CLK4: variants seen among roughly 807,000 people sequenced by gnomAD.
CLK4 encodes the protein CDC like kinase 4.
A neutral mutation model predicts 64.4 loss-of-function variants in CLK4; 37 were observed. The observed-to-expected ratio is 0.57, with a 90% CI of 0.44 to 0.76. The LOEUF is 0.76. CLK4 is among the 30% of genes least tolerant of loss of function. CLK4 has a pLI of 0.00. For missense variants in CLK4, 457 were observed against 605.1 expected (o/e 0.76, Z 2.57); for synonymous variants, 175 against 191.6 (o/e 0.91, Z 0.72).
chr5:178,607,316 GACA>G (rs1167345420), intron 10 of CLK4, among the ~76,000 whole-genome samples: 1 of 151,950 alleles, frequency 6.6e-6, no homozygotes, highest in Non-Finnish European at 1.5e-5. Context: ...AAGACACTCT[GACA>G]ACGCTATTCT....
chr5:178,615,329 G>A (rs1212526058), intron 5 of CLK4, among the ~76,000 whole-genome samples: 2 of 152,208 alleles, frequency 1.3e-5, no homozygotes, highest in African/African-American at 4.8e-5. Context: ...GAAAACAAAT[G>A]TATGTATAAT....
chr5:178,608,422 A>C lies in CLK4; in HGVS notation c.1088T>G (p.Ile363Arg). 2 of 1,611,056 alleles carry C rather than the reference A, an allele frequency of 1.2e-6. No homozygotes were observed. Among genetic ancestry groups the C allele is most frequent in the Middle Eastern group, 3.3e-4 (2 of 6,054 alleles). Reference protein sequence around the residue: ...GWSQPCDVWSIGCILIEYYLG... With the variant: ...GWSQPCDVWSRGCILIEYYLG... ...GTAATATTCAATAAGAATGCAACCT[A>C]TGCTCCAAACATCACAAGGCTGAGA... The change falls in exon 10 of 13, where the codon ATA (isoleucine) becomes AGA (arginine). Residue 363 changes from isoleucine to arginine, a missense_variant. Physicochemically the swap from Ile to Arg is moderately conservative, Grantham distance 97. Transcript: ENST00000316308.
At chr5:178,609,908 CA>C (rs1247825494) in intron 9 of CLK4, among the ~76,000 whole-genome samples, 1 of 150,986 alleles carries the variant, frequency 6.6e-6, no homozygotes, top group East Asian at 1.9e-4. Context: ...GACTCTGTCT[CA>C]AAAAATAAAT....
chr5:178,616,126 G>A (rs1385664682), intron 5 of CLK4, among the ~76,000 whole-genome samples: 1 of 150,912 alleles, frequency 6.6e-6, no homozygotes, highest in Non-Finnish European at 1.5e-5. Flanking sequence ...ATTTTCACTC[G>A]TTGCCTAGGC....
intron 5 of CLK4, among the ~76,000 whole-genome samples, chr5:178,615,791 CAA>C: frequency 6.6e-6 from 1 of 152,106 alleles, no homozygotes; most frequent in South Asian, 2.1e-4. Context: ...GCTTCTCTTA[CAA>C]AAGTTTTCAA....
intron 5 of CLK4, among the ~76,000 whole-genome samples, chr5:178,615,636 T>G (rs1055518550): frequency 6.6e-6 from 1 of 152,216 alleles, no homozygotes; most frequent in African/African-American, 2.4e-5. Flanking sequence ...GGTATTTAGA[T>G]TCCCTGAAAT....
intron 2 of CLK4, chr5:178,622,038 G>C (rs1417567442): frequency 2.6e-5 from 4 of 152,164 alleles, no homozygotes; most frequent in African/African-American, 9.7e-5. Context: ...TGGCCTGGTG[G>C]TTAACTGGAC....
intron 1 of CLK4, among the ~76,000 whole-genome samples, chr5:178,625,950 T>C (rs1581713285): frequency 6.6e-6 from 1 of 152,364 alleles, no homozygotes; most frequent in South Asian, 2.1e-4. Flanking sequence ...TCTAGAATCA[T>C]GACACTGCCT....
chr5:178,604,471 A>C (rs1764437673), intron 11 of CLK4: 1 of 151,424 alleles, frequency 6.6e-6, no homozygotes, highest in African/African-American at 2.4e-5. Context: ...AACAAAAAAA[A>C]CCCAAAAGCC....
At chr5:178,620,307 A>G (rs910846058) in intron 2 of CLK4, 8 of 240,096 alleles carry the variant, frequency 3.3e-5, no homozygotes, top group African/African-American at 1.8e-4. Context: ...CATCCTTCCC[A>G]TAAAAGTCCA....
chr5:178,613,452 A>G (rs1562128551), intron 7 of CLK4, 21 bp downstream of exon 7: 8 of 1,379,480 alleles, frequency 5.8e-6, no homozygotes, highest in Non-Finnish European at 7.6e-6. Context: ...ATAAAAATAA[A>G]GATTTATCAA....
At chr5:178,610,433 C>G (rs1437164253) in intron 9 of CLK4, among the ~76,000 whole-genome samples, 1 of 152,128 alleles carries the variant, frequency 6.6e-6, no homozygotes, top group Non-Finnish European at 1.5e-5. Flanking sequence ...ATAAGGCCAA[C>G]TGCCTACTTC....
intron 10 of CLK4, among the ~76,000 whole-genome samples, chr5:178,606,916 C>T (rs566215528): frequency 1.3e-5 from 2 of 150,500 alleles, no homozygotes; most frequent in East Asian, 3.9e-4. Flanking sequence ...GCTGACGTTG[C>T]GCCACTGCAC....
rs1455611254 is a variant in CLK4, at chr5:178,603,657, G to C, written c.1406C>G (p.Ala469Gly). 22 of 1,598,162 alleles carry C rather than the reference G, an allele frequency of 1.4e-5. No individual in the cohort carries two copies. Among genetic ancestry groups the C allele is most frequent in the Non-Finnish European group, 1.7e-5 (20 of 1,175,596 alleles). Residue 469 changes from alanine to glycine, a missense_variant, in exon 13 of 13, where the codon GCA becomes GGA. Physicochemically the swap from Ala to Gly is moderately conservative, Grantham distance 60 (BLOSUM62 0). Coordinates refer to ENST00000316308, the MANE Select transcript of CLK4 (RefSeq NM_020666.3). ...TAAGTCAAAGAAAGGATGCTGCAATGCTTCATCCAAGGTAATTCTTTGAGT... is the reference window on the plus strand; with the variant it reads ...TAAGTCAAAGAAAGGATGCTGCAATCCTTCATCCAAGGTAATTCTTTGAGT... Reference protein sequence around the residue: ...DPTQRITLDEALQHPFFDLLK... With the variant: ...DPTQRITLDEGLQHPFFDLLK...
At chr5:178,619,188 A>G (rs1200562841) in intron 2 of CLK4, among the ~76,000 whole-genome samples, 2 of 152,232 alleles carry the variant, frequency 1.3e-5, no homozygotes, top group African/African-American at 4.8e-5. Flanking sequence ...TGGCACAGAG[A>G]GAATTCCTTC....
chr5:178,617,499 G>A lies in CLK4; in HGVS notation c.385-65C>T. Reference sequence around the variant, plus strand: ...ATCAATATATCAGAGTGAATTCAGGGCAGAATACGCAATTCATTCAGCGGG... The same window carrying A: ...ATCAATATATCAGAGTGAATTCAGGACAGAATACGCAATTCATTCAGCGGG... On this transcript the variant is annotated intron_variant, in intron 3 of 12. Coordinates refer to ENST00000316308, the MANE Select transcript of CLK4 (RefSeq NM_020666.3). This position sits in a 1 kb window ranked among gnomAD's most constrained non-coding sequence, Gnocchi z 5.2. 2 of 1,399,062 alleles carry A rather than the reference G, an allele frequency of 1.4e-6. No individual in the cohort carries two copies. The highest frequency in any genetic ancestry group is 2.3e-5 in the East Asian group (1 of 43,354). 86.7% of individuals were successfully genotyped at this position (1,399,062 alleles called of 1,614,324 possible).
chr5:178,620,024 C>CCCCAGAAT (rs1764684498), intron 2 of CLK4: 4 of 375,328 alleles, frequency 1.1e-5, no homozygotes, highest in Non-Finnish European at 2.3e-5. Context: ...AATATGCTGT[C>CCCCAGAAT]ATTCTTTTTC....
intron 1 of CLK4, among the ~76,000 whole-genome samples, chr5:178,625,107 C>G (rs931675167): frequency 1.3e-5 from 2 of 152,146 alleles, no homozygotes. Flanking sequence ...CATATGGGAA[C>G]GTGACATGAA....
At chr5:178,611,321 C>T (rs1447611611) in intron 9 of CLK4, among the ~76,000 whole-genome samples, 8 of 152,168 alleles carry the variant, frequency 5.3e-5, no homozygotes, top group Admixed American at 1.3e-4. Flanking sequence ...ATTTGTACTA[C>T]GCAGAAACCC....
Sources: allele counts gnomAD v4.1 joint callset (sites outside exome capture counted in the v4.1 genomes callset), GRCh38; gene constraint gnomAD v4.1.1; non-coding constraint Gnocchi (gnomAD v3.1); transcripts MANE v1.5; gene names NCBI Gene and HGNC (gene_info 2026-07-23, HGNC 2026-07-21).